Variants in SLC24A2 observed in about 807,000 individuals in gnomAD.
SLC24A2 encodes the protein sodium/potassium/calcium exchanger 2.
Under a neutral mutation model 62.0 loss-of-function variants are expected in SLC24A2, and 36 were observed. The ratio of observed to expected loss-of-function variants is 0.58; its 90% CI spans 0.44 to 0.77. The LOEUF is 0.77. Among genes scored for constraint, SLC24A2 ranks in the 30% least tolerant of loss-of-function variants. The probability of loss-of-function intolerance (pLI) is 0.00; values close to 1 mark genes in which losing one functional copy is unlikely to be tolerated. For missense variants in SLC24A2, 846 were observed against 817.9 expected, an observed-to-expected ratio of 1.03 and a Z score of -0.42; for synonymous variants, 358 against 294.0, an observed-to-expected ratio of 1.22 and a Z score of -2.23.
At chr9:20,170,145 AAAAAG>A in the SLC24A2 span, among the ~76,000 whole-genome samples, 1 of 151,920 alleles carries the variant, frequency 6.6e-6, no homozygotes, top group Non-Finnish European at 1.5e-5. Flanking sequence ...AAGAAAAAAA[AAAAAG>A]AATAAGAAGA....
the SLC24A2 span, chr9:19,895,994 C>T: frequency 6.3e-6 from 10 of 1,579,866 alleles, no homozygotes; most frequent in East Asian, 2.3e-5. Context: ...ACACAAGGTG[C>T]CTCAGTGTGA....
chr9:20,288,035 GAA>G, the SLC24A2 span, among the ~76,000 whole-genome samples: 18 of 41,938 alleles, frequency 4.3e-4, no homozygotes, highest in Non-Finnish European at 1.0e-3. Flanking sequence ...GAGGAGTTAG[GAA>G]AAAAACACAC....
chr9:20,138,455 G>A, the SLC24A2 span, among the ~76,000 whole-genome samples: 116 of 152,246 alleles, frequency 7.6e-4, 3 homozygotes, highest in South Asian at 0.012. Flanking sequence ...CAATACAGGT[G>A]ACTGACTCTC....
chr9:19,669,670 C>T (rs527880195), intron 2 of SLC24A2, among the ~76,000 whole-genome samples: 10 of 152,142 alleles, frequency 6.6e-5, no homozygotes, highest in Non-Finnish European at 1.2e-4. Context: ...TGGCCTCTGT[C>T]CTCTATCTTC....
chr9:19,725,314 GT>G, intron 2 of SLC24A2, among the ~76,000 whole-genome samples: 1 of 152,220 alleles, frequency 6.6e-6, no homozygotes, highest in South Asian at 2.1e-4. Flanking sequence ...TATATTGCAC[GT>G]TATAATTACA....
the SLC24A2 span, among the ~76,000 whole-genome samples, chr9:20,264,063 C>G: frequency 1.3e-5 from 2 of 152,134 alleles, no homozygotes; most frequent in Admixed American, 1.3e-4. Context: ...GCCAATCTGA[C>G]TTCTATTGTA....
chr9:19,559,620 G>C (rs960730044), intron 7 of SLC24A2, among the ~76,000 whole-genome samples: 2 of 152,150 alleles, frequency 1.3e-5, no homozygotes, highest in Admixed American at 6.5e-5. Context: ...CTTTGAAACA[G>C]GGAAACGCTC....
At chr9:20,202,563 G>C in the SLC24A2 span, among the ~76,000 whole-genome samples, 2 of 152,150 alleles carry the variant, frequency 1.3e-5, no homozygotes, top group African/African-American at 4.8e-5. Context: ...GGAGAGATGG[G>C]CAGGAGTTGC....
At chr9:20,176,040 G>C in the SLC24A2 span, among the ~76,000 whole-genome samples, 1 of 152,028 alleles carries the variant, frequency 6.6e-6, no homozygotes, top group Non-Finnish European at 1.5e-5. Flanking sequence ...GAGAGAAATA[G>C]AGAGGTACTG....
chr9:20,082,553 G>T, the SLC24A2 span, among the ~76,000 whole-genome samples: 1 of 152,208 alleles, frequency 6.6e-6, no homozygotes, highest in Non-Finnish European at 1.5e-5. Flanking sequence ...CTCTGAGGTG[G>T]TTTTCTCTCT....
the SLC24A2 span, among the ~76,000 whole-genome samples, chr9:20,105,642 G>C: frequency 6.6e-6 from 1 of 151,932 alleles, no homozygotes; most frequent in African/African-American, 2.4e-5. Flanking sequence ...GATGTTCTTT[G>C]AAACCAATGA....
At chr9:20,135,833 T>C in the SLC24A2 span, among the ~76,000 whole-genome samples, 2 of 152,166 alleles carry the variant, frequency 1.3e-5, no homozygotes, top group African/African-American at 4.8e-5. Context: ...GAATGTGTTT[T>C]TCCTTTTCCA....
the SLC24A2 span, among the ~76,000 whole-genome samples, chr9:20,083,834 T>A: frequency 2.0e-3 from 311 of 152,344 alleles, no homozygotes; most frequent in African/African-American, 7.0e-3. Flanking sequence ...ACTGTGGGTT[T>A]CTCCTTTAGG....
chr9:20,191,020 C>T, the SLC24A2 span, among the ~76,000 whole-genome samples: 20 of 152,242 alleles, frequency 1.3e-4, no homozygotes, highest in Non-Finnish European at 2.5e-4. Flanking sequence ...ACATTCTTCC[C>T]GTCTCTAAAA....
the SLC24A2 span, among the ~76,000 whole-genome samples, chr9:20,135,165 C>G: frequency 1.9e-3 from 286 of 152,200 alleles, 2 homozygotes; most frequent in Middle Eastern, 0.01. Context: ...TTGATTCTCC[C>G]AATCCTTTTG....
chr9:19,992,828 G>A, the SLC24A2 span, among the ~76,000 whole-genome samples: 1 of 152,200 alleles, frequency 6.6e-6, no homozygotes. Context: ...ACCCACAAGG[G>A]TGTGAATGTC....
At chr9:19,717,639 A>G (rs1820896827) in intron 2 of SLC24A2, among the ~76,000 whole-genome samples, 1 of 152,190 alleles carries the variant, frequency 6.6e-6, no homozygotes, top group South Asian at 2.1e-4. Context: ...AAACTACTCA[A>G]CAATAAAGTT....
intron 4 of SLC24A2, among the ~76,000 whole-genome samples, chr9:19,606,070 C>T (rs1433274747): frequency 6.6e-6 from 1 of 152,186 alleles, no homozygotes; most frequent in Non-Finnish European, 1.5e-5. Context: ...CTCCTAGAAT[C>T]AGGTCTTCAT....
chr9:20,206,071 AG>A, the SLC24A2 span, among the ~76,000 whole-genome samples: 52 of 152,238 alleles, frequency 3.4e-4, no homozygotes, highest in African/African-American at 1.3e-3. Flanking sequence ...ATCCATTCAG[AG>A]TATAAGATAG....
Sources: gnomAD v4.1 joint callset for allele counts (sites outside exome capture counted in the v4.1 genomes callset) on GRCh38, gnomAD v4.1.1 for gene constraint, MANE v1.5 for transcripts, NCBI Gene and HGNC (gene_info 2026-07-23, HGNC 2026-07-21) for gene names.